Variants in ANKRD31 observed in about 807,000 individuals in gnomAD.
ANKRD31 encodes ankyrin repeat domain 31, also known as ankyrin repeat domain-containing protein 31.
ANKRD31 carries 147 observed loss-of-function variants against 186.0 expected under a neutral mutation model. The ratio of observed to expected loss-of-function variants is 0.79; its 90% CI spans 0.69 to 0.91. ANKRD31 has a LOEUF of 0.91. Among genes scored for constraint, ANKRD31 ranks in the 40% least tolerant of loss-of-function variants. ANKRD31 has a pLI of 0.00. For missense variants in ANKRD31, 1,986 were observed against 2,148.8 expected (o/e 0.92, Z 1.50); for synonymous variants, 673 against 736.4 (o/e 0.91, Z 1.39).
intron 10 of ANKRD31, among the ~76,000 whole-genome samples, chr5:75,186,751 G>A (rs770258498): frequency 4.6e-5 from 7 of 151,974 alleles, no homozygotes; most frequent in South Asian, 2.1e-4. Context: ...ATCATAAAAC[G>A]TAAATGAGGA....
At chr5:75,128,146 T>G (rs908396274) in intron 17 of ANKRD31, among the ~76,000 whole-genome samples, 11 of 151,858 alleles carry the variant, frequency 7.2e-5, no homozygotes, top group Non-Finnish European at 1.5e-4. Flanking sequence ...AACTTCAGCA[T>G]AATACTGATC....
In ANKRD31 at chr5:75,225,124, T is replaced by G. The variant is rs193116508; in HGVS notation, c.179-2766A>C. ...TGTAGGGAGAAGGAGACATCTTTTT[T>G]GGGGGAAATATATGTCAAGAGCTGA... On this transcript the variant is annotated intron_variant, in intron 2 of 25. Coordinates refer to ENST00000506364, the MANE Select transcript of ANKRD31 (RefSeq NM_001372053.1). Among the ~76,000 whole-genome samples the G allele has an allele frequency of 5.9e-5, 9 of 152,306 alleles. No individual in the cohort carries two copies. In the East Asian group the frequency reaches 7.7e-4, roughly 13 times the overall value.
rs1464513091 is a variant in ANKRD31, at chr5:75,068,540, T to A, written c.5772A>T (p.Glu1924Asp). The stretch of plus-strand genomic sequence containing the variant: ...GGTTTTAGGGTGTTAGTTCCTCACA[T>A]TCCACACAAAACTTCCAATGCTGAT... ...IMDQHWKFCVECEELTP is the reference protein window; with the variant it reads ...IMDQHWKFCVDCEELTP The change falls in exon 26 of 26, where the codon GAA (glutamate) becomes GAT (aspartate). Residue 1924 changes from glutamate (E) to aspartate (D), a missense_variant. By Grantham distance (45) the Glu-to-Asp change is conservative (BLOSUM62 2). Transcript: ENST00000506364. 4 of 1,517,780 alleles carry A rather than the reference T, an allele frequency of 2.6e-6. No individual in the cohort carries two copies. In the East Asian group the frequency reaches 9.9e-5, roughly 38 times the overall value. The allele number at this position is 1,517,780 out of a possible 1,614,324, so 94.0% of individuals were successfully genotyped here.
At chr5:75,102,773 C>T (rs1485033311) in intron 22 of ANKRD31, among the ~76,000 whole-genome samples, 1 of 152,110 alleles carries the variant, frequency 6.6e-6, no homozygotes, top group Non-Finnish European at 1.5e-5. Flanking sequence ...TTGCTAAGAC[C>T]ACTGGAAAAG....
chr5:75,146,949 A>C lies in ANKRD31; in HGVS notation c.2462T>G (p.Val821Gly), dbSNP rs1348533238. Residue 821 changes from valine (V) to glycine (G), a missense_variant, in exon 14 of 26, where the codon GTT becomes GGT. Coordinates refer to ENST00000506364, the MANE Select transcript of ANKRD31 (RefSeq NM_001372053.1). ...AACAGATTCTAATTCCAAGCATTGAACTTCTTGACTATCTGATAAATCCAG... is the reference window on the plus strand; with the variant it reads ...AACAGATTCTAATTCCAAGCATTGACCTTCTTGACTATCTGATAAATCCAG... ...QNLDLSDSQE[V>G]QCLELESVDQ... is the part of the protein sequence containing the mutation. 2 of 1,536,334 alleles carry C rather than the reference A, an allele frequency of 1.3e-6. No individual in the cohort carries two copies. The highest frequency in any genetic ancestry group is 2.4e-5 in the East Asian group (1 of 40,874).
At chr5:75,232,846 TA>T (rs1758030911) in intron 1 of ANKRD31, among the ~76,000 whole-genome samples, 1 of 152,066 alleles carries the variant, frequency 6.6e-6, no homozygotes. Context: ...AAACAGGAGA[TA>T]AAAACTCCTA....
chr5:75,186,971 G>T (rs1754756412), intron 10 of ANKRD31, among the ~76,000 whole-genome samples: 1 of 151,898 alleles, frequency 6.6e-6, no homozygotes, highest in Admixed American at 6.6e-5. Flanking sequence ...GAACTAACAC[G>T]ATAGAGGTCA....
At position 75,206,462 on chromosome 5, in the gene ANKRD31, T is replaced by C. The variant is rs1194303717; in HGVS notation, c.352A>G (p.Ile118Val). The C allele has an allele frequency of 1.4e-6, 2 of 1,459,976 alleles. No individual in the cohort carries two copies. The highest frequency in any genetic ancestry group is 1.8e-6 in the Non-Finnish European group (2 of 1,112,320). The allele number at this position is 1,459,976 out of a possible 1,614,324, so 90.4% of individuals were successfully genotyped here. The change falls in exon 5 of 26, where the codon ATT becomes GTT. Residue 118 changes from isoleucine (I) to valine (V), a missense_variant. Ile to Val is a conservative substitution (Grantham distance 29). Transcript: ENST00000506364. ...LQTRKNCSMF[I>V]GSFRQSGLSL... The stretch of plus-strand genomic sequence containing the variant: ...AGTCCAGACTGGCGAAACGACCCAA[T>C]GAACATTGAACAGTTTTTTCTAGTC...
chr5:75,231,887 A>G (rs1580606574), intron 1 of ANKRD31, among the ~76,000 whole-genome samples: 1 of 146,046 alleles, frequency 6.8e-6, no homozygotes, highest in South Asian at 2.2e-4. Context: ...CTAAGTGACA[A>G]AGTGAGACAC....
intron 22 of ANKRD31, among the ~76,000 whole-genome samples, chr5:75,101,420 G>A (rs1244913722): frequency 6.6e-6 from 1 of 152,078 alleles, no homozygotes. Context: ...TGCTCTTCTT[G>A]AGGAGTATCT....
At chr5:75,129,284 T>A (rs1749533560) in intron 17 of ANKRD31, among the ~76,000 whole-genome samples, 1 of 152,206 alleles carries the variant, frequency 6.6e-6, no homozygotes, top group South Asian at 2.1e-4. Flanking sequence ...TGCAGAACTG[T>A]GAGTCAATCA....
chr5:75,075,418 CT>C (rs1744554992), intron 25 of ANKRD31, among the ~76,000 whole-genome samples: 1 of 152,096 alleles, frequency 6.6e-6, no homozygotes, highest in Admixed American at 6.6e-5. Context: ...TTGCCTAGCA[CT>C]TTTTGATACT....
Position 75,116,547 on chromosome 5 carries a change from T to C in ANKRD31, c.4155+19A>G, listed in dbSNP as rs1329168291. The C allele has an allele frequency of 7.5e-7, 1 of 1,334,766 alleles. No homozygotes were observed. The highest frequency in any genetic ancestry group is 9.7e-7 in the Non-Finnish European group (1 of 1,031,482). The allele number at this position is 1,334,766 out of a possible 1,614,324, so 82.7% of individuals were successfully genotyped here. On this transcript the variant is annotated intron_variant, in intron 19 of 25. Transcript: ENST00000506364. ...GCATTTTCTAAGATGAAGAACAAAG[T>C]AATTTTAACTTCACTCACCACAGAA...
Position 75,146,138 on chromosome 5 carries a change from T to G in ANKRD31, c.3273A>C (p.Glu1091Asp), listed in dbSNP as rs1751416252. The change falls in exon 14 of 26, where the codon GAA becomes GAC. Residue 1091 changes from glutamate to aspartate, a missense_variant. Physicochemically the swap from Glu to Asp is conservative, Grantham distance 45. Transcript: ENST00000506364. ...GTCTCCTTTTTTCAACTTTAGTTGT[T>G]TCTATTACTTGAGAATGAGCAACTA... ...LSIVAHSQVIETTKVEKRRQN... is the reference protein window; with the variant it reads ...LSIVAHSQVIDTTKVEKRRQN... The G allele has an allele frequency of 6.5e-7, 1 of 1,536,030 alleles. No individual in the cohort carries two copies. Among genetic ancestry groups the G allele is most frequent in the African/African-American group, 1.4e-5 (1 of 72,942 alleles).
At chr5:75,226,041 T>C (rs1269680608) in intron 2 of ANKRD31, among the ~76,000 whole-genome samples, 1 of 152,216 alleles carries the variant, frequency 6.6e-6, no homozygotes. Context: ...CTTGGGCCTA[T>C]GGTAGTGATG....
intron 25 of ANKRD31, among the ~76,000 whole-genome samples, chr5:75,074,493 A>G (rs1269523708): frequency 6.6e-6 from 1 of 152,212 alleles, no homozygotes. Flanking sequence ...GTTGAGATCC[A>G]CAAGAAAATA....
intron 22 of ANKRD31, among the ~76,000 whole-genome samples, chr5:75,099,437 T>G (rs2150046832): frequency 6.6e-6 from 1 of 152,364 alleles, no homozygotes; most frequent in Middle Eastern, 3.4e-3. Context: ...AGGATGATGC[T>G]GGCCTCATCA....
At chr5:75,177,002 G>A (rs1753862500) in intron 10 of ANKRD31, among the ~76,000 whole-genome samples, 1 of 152,108 alleles carries the variant, frequency 6.6e-6, no homozygotes, top group Non-Finnish European at 1.5e-5. Context: ...TTAGACGAAT[G>A]GATAACTAGA....
At chr5:75,100,631 G>A (rs1302382114) in intron 22 of ANKRD31, among the ~76,000 whole-genome samples, 3 of 151,942 alleles carry the variant, frequency 2.0e-5, no homozygotes, top group Non-Finnish European at 2.9e-5. Flanking sequence ...TATATATTTC[G>A]GATAGTTAGC....
Sources: gnomAD v4.1 joint callset for allele counts (sites outside exome capture counted in the v4.1 genomes callset) on GRCh38, gnomAD v4.1.1 for gene constraint, MANE v1.5 for transcripts, NCBI Gene and HGNC (gene_info 2026-07-23, HGNC 2026-07-21) for gene names.